VEPH1: variants seen among roughly 807,000 people sequenced by gnomAD.
VEPH1 encodes the protein ventricular zone-expressed PH domain-containing protein homolog 1.
VEPH1 carries 80 observed loss-of-function variants against 85.2 expected under a neutral mutation model. The ratio of observed to expected loss-of-function variants is 0.94; its 90% CI spans 0.78 to 1.13. VEPH1 has a LOEUF of 1.13. Among genes scored for constraint, VEPH1 ranks in the 50% most tolerant of loss-of-function variants. The pLI, the probability that VEPH1 is intolerant of heterozygous loss-of-function variation, is 0.00. For missense variants in VEPH1, 955 were observed against 980.5 expected (o/e 0.97, Z 0.35); for synonymous variants, 297 against 348.0 (o/e 0.85, Z 1.63).
chr3:157,297,546 G>T (rs769273133), intron 11 of VEPH1, among the ~76,000 whole-genome samples: 3 of 152,150 alleles, frequency 2.0e-5, no homozygotes, highest in Non-Finnish European at 4.4e-5. Context: ...GGTGTAATGT[G>T]ATTTACAAAT....
intron 3 of VEPH1, among the ~76,000 whole-genome samples, chr3:157,464,355 C>T (rs996384102): frequency 2.6e-5 from 4 of 152,136 alleles, no homozygotes; most frequent in African/African-American, 7.2e-5. Context: ...ACTATTTCAT[C>T]TCTGGAATTA....
At chr3:157,295,927 C>T (rs753773354) in intron 11 of VEPH1, among the ~76,000 whole-genome samples, 1 of 151,922 alleles carries the variant, frequency 6.6e-6, no homozygotes, top group Non-Finnish European at 1.5e-5. Flanking sequence ...TGCACTCTAG[C>T]CTGGGCAACA....
intron 6 of VEPH1, chr3:157,409,790 A>C: frequency 1.0e-6 from 1 of 985,184 alleles, no homozygotes; most frequent in Non-Finnish European, 1.2e-6. Context: ...GTGAGGCATA[A>C]GCCAATCAAT....
chr3:157,488,404 C>T (rs1312449699), intron 2 of VEPH1, among the ~76,000 whole-genome samples: 1 of 152,040 alleles, frequency 6.6e-6, no homozygotes, highest in Non-Finnish European at 1.5e-5. Flanking sequence ...AGTGACAAAT[C>T]TCATTTGACC....
rs539061161 is a variant in VEPH1 at position 157,483,587 on chromosome 3, G to A, written c.138+11625C>T. ...AACCAGAAATTTTGTTTTTAAAAAA[G>A]AAATCTCTAGAAATTAAAACCTCAG... On this transcript the variant is annotated intron_variant, in intron 2 of 13. Transcript: ENST00000362010. Among the ~76,000 whole-genome samples, 1,092 of 152,022 alleles carry A rather than the reference G, an allele frequency of 7.2e-3. 15 individuals are homozygous for A. Among genetic ancestry groups the A allele is most frequent in the African/African-American group, 0.025 (1,045 of 41,500 alleles).
intron 7 of VEPH1, among the ~76,000 whole-genome samples, chr3:157,370,312 C>T (rs890774886): frequency 6.6e-6 from 1 of 152,150 alleles, no homozygotes; most frequent in Non-Finnish European, 1.5e-5. Context: ...CTCTTCCTGG[C>T]TCCTTAAATC....
intron 2 of VEPH1, among the ~76,000 whole-genome samples, chr3:157,494,041 T>G (rs908620253): frequency 1.3e-5 from 2 of 152,152 alleles, no homozygotes; most frequent in African/African-American, 4.8e-5. Context: ...CTAAGTTGAT[T>G]AATGTTCTGG....
chr3:157,385,779 A>G (rs1729228481), intron 6 of VEPH1, among the ~76,000 whole-genome samples: 1 of 152,220 alleles, frequency 6.6e-6, no homozygotes, highest in Admixed American at 6.5e-5. Flanking sequence ...CTCAAAGGTT[A>G]GTTGTGATAT....
chr3:157,397,089 A>G (rs1730455441), intron 6 of VEPH1, among the ~76,000 whole-genome samples: 1 of 152,212 alleles, frequency 6.6e-6, no homozygotes, highest in Non-Finnish European at 1.5e-5. Flanking sequence ...TTAAGTCTTT[A>G]ATCCATCTTG....
In VEPH1 at chr3:157,261,115, A is replaced by T; in HGVS notation, c.*19T>A. 1 of 1,593,434 alleles carries T rather than the reference A, an allele frequency of 6.3e-7. No homozygotes were observed. The highest frequency in any genetic ancestry group is 8.5e-7 in the Non-Finnish European group (1 of 1,173,746). On this transcript the variant is annotated 3_prime_UTR_variant, in exon 14 of 14. Coordinates refer to ENST00000362010, the MANE Select transcript of VEPH1 (RefSeq NM_001167912.2). ...ACAATGCCTGTGGTGTATAATTGTC[A>T]TGGCTGACTTATAAATCCCTACAGA...
chr3:157,364,898 C>T (rs1457637893), intron 7 of VEPH1, among the ~76,000 whole-genome samples: 1 of 152,124 alleles, frequency 6.6e-6, no homozygotes, highest in Non-Finnish European at 1.5e-5. Context: ...ACTGAAATTA[C>T]AGAATAAGAA....
At chr3:157,273,434 A>G (rs1385524794) in intron 12 of VEPH1, among the ~76,000 whole-genome samples, 1 of 152,210 alleles carries the variant, frequency 6.6e-6, no homozygotes, top group East Asian at 1.9e-4. Flanking sequence ...GGGGCATACA[A>G]AGCAGAAAAG....
At chr3:157,415,749 T>C (rs183407111) in intron 5 of VEPH1, among the ~76,000 whole-genome samples, 1 of 152,118 alleles carries the variant, frequency 6.6e-6, no homozygotes, top group Non-Finnish European at 1.5e-5. Context: ...GAATTTTTTT[T>C]AAAAATTCTT....
chr3:157,378,826 C>G (rs544931860), intron 7 of VEPH1, among the ~76,000 whole-genome samples: 1 of 152,244 alleles, frequency 6.6e-6, no homozygotes, highest in East Asian at 1.9e-4. Context: ...GTCATTCAAG[C>G]TACATATCTC....
intron 9 of VEPH1, among the ~76,000 whole-genome samples, chr3:157,321,137 AAG>A (rs1343703890): frequency 6.6e-6 from 1 of 152,184 alleles, no homozygotes; most frequent in Non-Finnish European, 1.5e-5. Context: ...TTTGGAAAAA[AAG>A]AATAAATTAG....
intron 9 of VEPH1, among the ~76,000 whole-genome samples, chr3:157,358,492 A>G (rs1725686618): frequency 6.6e-6 from 1 of 152,188 alleles, no homozygotes; most frequent in Non-Finnish European, 1.5e-5. Context: ...TCCTAATCCC[A>G]TGATTAAACT....
intron 4 of VEPH1, among the ~76,000 whole-genome samples, chr3:157,435,080 T>C (rs1222101863): frequency 1.3e-5 from 2 of 152,146 alleles, no homozygotes; most frequent in African/African-American, 4.8e-5. Flanking sequence ...CTTTTTTTTT[T>C]AATTCTAGAA....
rs1731394533 is a variant in VEPH1, at chr3:157,409,657, A to G, written c.906+4224T>C. On this transcript the variant is annotated intron_variant, in intron 6 of 13. Coordinates refer to ENST00000362010, the MANE Select transcript of VEPH1 (RefSeq NM_001167912.2). ...TAGATGGAAAAATTGTGATGCTGCTATCAAGCTGTTGAAAACAGTCTGCTC... is the reference window on the plus strand; with the variant it reads ...TAGATGGAAAAATTGTGATGCTGCTGTCAAGCTGTTGAAAACAGTCTGCTC... The G allele has an allele frequency of 3.0e-6, 3 of 985,438 alleles. No individual in the cohort carries two copies. The African/African-American group carries it at 5.2e-5, about 17-fold the overall frequency. 61.0% of individuals were successfully genotyped at this position (985,438 alleles called of 1,614,324 possible).
chr3:157,290,183 C>T (rs762261075), intron 11 of VEPH1, among the ~76,000 whole-genome samples: 15 of 152,078 alleles, frequency 9.9e-5, no homozygotes, highest in Non-Finnish European at 2.1e-4. Context: ...CTTTTAGGAT[C>T]TTAAAGGAGG....
Sources: allele counts gnomAD v4.1 joint callset (sites outside exome capture counted in the v4.1 genomes callset), GRCh38; gene constraint gnomAD v4.1.1; transcripts MANE v1.5; gene names NCBI Gene and HGNC (gene_info 2026-07-23, HGNC 2026-07-21).